DRAM1: variants seen among roughly 807,000 people sequenced by gnomAD.
DRAM1 encodes DNA damage-regulated autophagy modulator protein 1.
Under a neutral mutation model 28.5 loss-of-function variants are expected in DRAM1, and 25 were observed. The observed-to-expected ratio is 0.88, with a 90% CI of 0.64 to 1.23. The LOEUF (loss-of-function observed/expected upper bound fraction) is 1.23. Among genes scored for constraint, DRAM1 ranks in the 50% most tolerant of loss-of-function variants. The probability of loss-of-function intolerance (pLI) is 0.00; values close to 1 mark genes in which losing one functional copy is unlikely to be tolerated. For missense variants in DRAM1, 249 were observed against 299.2 expected (o/e 0.83, Z 1.24); for synonymous variants, 113 against 114.2 (o/e 0.99, Z 0.07).
At chr12:101,906,307 T>C (rs1873806711) in intron 3 of DRAM1, among the ~76,000 whole-genome samples, 1 of 152,216 alleles carries the variant, frequency 6.6e-6, no homozygotes, top group Non-Finnish European at 1.5e-5. Context: ...AATTCATTTG[T>C]GCTCCAGCTT....
intron 1 of DRAM1, among the ~76,000 whole-genome samples, chr12:101,885,713 A>C (rs1358554184): frequency 6.6e-6 from 1 of 151,778 alleles, no homozygotes; most frequent in Non-Finnish European, 1.5e-5. Context: ...TTTTTAGTAG[A>C]GACAGGGTTT....
At chr12:101,917,446 G>A (rs1243981608) in intron 5 of DRAM1, among the ~76,000 whole-genome samples, 3 of 152,126 alleles carry the variant, frequency 2.0e-5, no homozygotes, top group African/African-American at 4.8e-5. Context: ...CCAACACTTT[G>A]GGAGGCCAAG....
intron 3 of DRAM1, among the ~76,000 whole-genome samples, chr12:101,904,046 G>A (rs1298426406): frequency 6.6e-6 from 1 of 152,100 alleles, no homozygotes; most frequent in Admixed American, 6.6e-5. Context: ...CAGTGCAGTG[G>A]CGCGATCTTG....
intron 1 of DRAM1, among the ~76,000 whole-genome samples, chr12:101,890,959 C>T (rs1481258602): frequency 6.6e-6 from 1 of 151,912 alleles, no homozygotes; most frequent in East Asian, 1.9e-4. Context: ...CCATGTTGGC[C>T]AGGATGGTCT....
At chr12:101,896,841 G>A (rs1288873389) in intron 1 of DRAM1, among the ~76,000 whole-genome samples, 2 of 151,552 alleles carry the variant, frequency 1.3e-5, no homozygotes, top group Non-Finnish European at 2.9e-5. Context: ...AGGCTGGAGT[G>A]CAATGGTGTG....
chr12:101,919,116 G>A (rs1874372041), intron 5 of DRAM1, among the ~76,000 whole-genome samples: 1 of 151,642 alleles, frequency 6.6e-6, no homozygotes, highest in South Asian at 2.1e-4. Context: ...ATGTTGCCCA[G>A]GCTGGTCTCA....
chr12:101,896,837 G>T (rs1873391822), intron 1 of DRAM1, among the ~76,000 whole-genome samples: 1 of 151,598 alleles, frequency 6.6e-6, no homozygotes, highest in Non-Finnish European at 1.5e-5. Context: ...GCTTAGGCTG[G>T]AGTGCAATGG....
chr12:101,901,054 A>G (rs1873579912), intron 2 of DRAM1, among the ~76,000 whole-genome samples: 1 of 151,480 alleles, frequency 6.6e-6, no homozygotes, highest in African/African-American at 2.4e-5. Context: ...AATAGCATTT[A>G]CATGAAAAGG....
chr12:101,887,600 G>A (rs1421826855), intron 1 of DRAM1, among the ~76,000 whole-genome samples: 2 of 150,364 alleles, frequency 1.3e-5, no homozygotes, highest in South Asian at 2.1e-4. Context: ...TTGCAATCTC[G>A]GTTCGCTGCA....
At chr12:101,888,855 A>G (rs1458586254) in intron 1 of DRAM1, among the ~76,000 whole-genome samples, 4 of 124,846 alleles carry the variant, frequency 3.2e-5, no homozygotes, top group African/African-American at 6.5e-5. Context: ...CCCAGACTGG[A>G]TTGCAGTGGC....
chr12:101,912,906 T>G (rs1174049764), intron 4 of DRAM1, among the ~76,000 whole-genome samples: 1 of 152,094 alleles, frequency 6.6e-6, no homozygotes, highest in Admixed American at 6.5e-5. Context: ...TTTTGTGTTT[T>G]TAGTAGAGAC....
intron 5 of DRAM1, among the ~76,000 whole-genome samples, chr12:101,919,377 G>A (rs1045330067): frequency 6.6e-6 from 1 of 151,902 alleles, no homozygotes; most frequent in Non-Finnish European, 1.5e-5. Context: ...AGCTGATGAG[G>A]CGTGGGCTCC....
Position 101,898,724 on chromosome 12 carries a change from G to T in DRAM1, c.199+794G>T, listed in dbSNP as rs185756935. Among the ~76,000 whole-genome samples the T allele has an allele frequency of 4.2e-3, 637 of 152,252 alleles. 10 individuals carry two copies. Among genetic ancestry groups the T allele is most frequent in the Non-Finnish European group, 1.1e-3 (73 of 68,018 alleles). ...ATGTGTTGTAAACAAGCACTCTAGG[G>T]GACTTGGTTTCTCACTAAAGTTTGA... On this transcript the variant is annotated intron_variant, in intron 2 of 6. Coordinates refer to ENST00000258534, the MANE Select transcript of DRAM1 (RefSeq NM_018370.3).
chr12:101,918,459 C>T (rs1874341045), intron 5 of DRAM1, among the ~76,000 whole-genome samples: 2 of 152,210 alleles, frequency 1.3e-5, no homozygotes, highest in South Asian at 4.1e-4. Flanking sequence ...GTATCTCCTA[C>T]TGTAGGCTGG....
chr12:101,907,269 A>G (rs1052626521), intron 3 of DRAM1, among the ~76,000 whole-genome samples: 3 of 151,182 alleles, frequency 2.0e-5, no homozygotes, highest in Admixed American at 6.6e-5. Flanking sequence ...TTTTACTTAG[A>G]TGGTGTGTTC....
At chr12:101,919,644 G>A (rs1193357246) in intron 5 of DRAM1, among the ~76,000 whole-genome samples, 7 of 152,146 alleles carry the variant, frequency 4.6e-5, no homozygotes, top group African/African-American at 9.7e-5. Context: ...AGGGAAACAC[G>A]AAACCTAGGG....
intron 1 of DRAM1, among the ~76,000 whole-genome samples, chr12:101,881,354 A>AT (rs1872680000): frequency 1.2e-5 from 1 of 82,318 alleles, no homozygotes; most frequent in Admixed American, 1.0e-4. Flanking sequence ...ATTCAACCTT[A>AT]TCCCTTTTTG....
chr12:101,906,960 A>G (rs1342894763), intron 3 of DRAM1, among the ~76,000 whole-genome samples: 1 of 151,746 alleles, frequency 6.6e-6, no homozygotes, highest in Non-Finnish European at 1.5e-5. Flanking sequence ...TTCTGCCTAG[A>G]CTGGCACAGG....
chr12:101,890,919 T>C (rs61935813), intron 1 of DRAM1, among the ~76,000 whole-genome samples: 1 of 151,908 alleles, frequency 6.6e-6, no homozygotes, highest in Non-Finnish European at 1.5e-5. Context: ...CCCAGCTAAT[T>C]TTTATACTTT....
Sources: allele counts gnomAD v4.1 joint callset (sites outside exome capture counted in the v4.1 genomes callset), GRCh38; gene constraint gnomAD v4.1.1; transcripts MANE v1.5; gene names NCBI Gene and HGNC (gene_info 2026-07-23, HGNC 2026-07-21).